The following LRRC9 variants were observed in gnomAD, a reference collection of about 807,000 sequenced individuals.
The protein encoded by LRRC9 is leucine rich repeat containing 9, also known as leucine-rich repeat-containing protein 9.
A neutral mutation model predicts 63.2 loss-of-function variants in LRRC9; 122 were observed. That is an observed-to-expected ratio of 1.93 (90% CI 1.67 to 2.24). LRRC9 has a LOEUF of 2.24. Among genes scored for constraint, LRRC9 ranks in the 30% most tolerant of loss-of-function variants. The probability of loss-of-function intolerance (pLI) is 0.00; values close to 1 mark genes in which losing one functional copy is unlikely to be tolerated. For missense variants in LRRC9, 1,071 were observed against 627.7 expected (o/e 1.71, Z -7.55); for synonymous variants, 366 against 213.1 (o/e 1.72, Z -6.25).
chr14:59,998,389 T>C (rs1314794765), intron 18 of LRRC9, among the ~76,000 whole-genome samples: 1 of 152,020 alleles, frequency 6.6e-6, no homozygotes, highest in African/African-American at 2.4e-5. Flanking sequence ...TGTTCTCTTA[T>C]AAAAAGGAAA....
At position 59,939,361 on chromosome 14, in the gene LRRC9, T is replaced by C. The variant is rs111717968; in HGVS notation, c.726+789T>C. ...CCAGATTATGTGAGACTGTAGACTG[T>C]TGTAAGGACTTTGGTCTTTACTTTG... On this transcript the variant is annotated intron_variant, in intron 7 of 31. Coordinates refer to ENST00000445360, the Ensembl canonical transcript of LRRC9. Among the ~76,000 whole-genome samples, 21 of 152,116 alleles carry C rather than the reference T, an allele frequency of 1.4e-4. 1 individual carries two copies. Among genetic ancestry groups the C allele is most frequent in the African/African-American group, 4.8e-4 (20 of 41,542 alleles).
chr14:60,023,846 TC>T (rs1244185872), intron 27 of LRRC9, among the ~76,000 whole-genome samples: 1 of 152,104 alleles, frequency 6.6e-6, no homozygotes, highest in East Asian at 1.9e-4. Flanking sequence ...CCTCCCTGTG[TC>T]CATGTGCTCT....
chr14:60,029,593 T>G (rs1006617871), intron 28 of LRRC9, among the ~76,000 whole-genome samples: 2 of 152,090 alleles, frequency 1.3e-5, no homozygotes, highest in African/African-American at 4.8e-5. Context: ...GATGTCCAGT[T>G]ACCAGATTAG....
At chr14:60,028,079 T>C in exon 28 of LRRC9, 1 of 697,638 alleles carries the variant, frequency 1.4e-6, no homozygotes, top group Non-Finnish European at 2.6e-6. Context: ...GAGAAACTCT[T>C]CCTAGGATAT....
At chr14:60,012,229 C>G (rs1890314403) in intron 23 of LRRC9, among the ~76,000 whole-genome samples, 1 of 152,132 alleles carries the variant, frequency 6.6e-6, no homozygotes, top group Non-Finnish European at 1.5e-5. Flanking sequence ...ACAAGGAACT[C>G]TAGAGAAGTT....
Position 59,966,407 on chromosome 14 carries a change from T to C in LRRC9, c.1212-182T>C, listed in dbSNP as rs1884861740. Reference sequence around the variant, plus strand: ...TGAAGATTGCTCAACCAACCTGTCTTCCAGGCAGAACAAATGTGCAATAAA... The same window carrying C: ...TGAAGATTGCTCAACCAACCTGTCTCCCAGGCAGAACAAATGTGCAATAAA... On this transcript the variant is annotated intron_variant, in intron 10 of 31. Transcript: ENST00000445360. This position sits in a 1 kb window ranked among gnomAD's most constrained non-coding sequence, Gnocchi z 4.0. Among the ~76,000 whole-genome samples the C allele has an allele frequency of 6.6e-6, 1 of 152,178 alleles. No individual in the cohort carries two copies. Among genetic ancestry groups the C allele is most frequent in the Admixed American group, 6.5e-5 (1 of 15,278 alleles).
At chr14:59,983,617 C>G (rs949258155) in intron 16 of LRRC9, among the ~76,000 whole-genome samples, 1 of 152,008 alleles carries the variant, frequency 6.6e-6, no homozygotes, top group African/African-American at 2.4e-5. Context: ...TTGAAAGATC[C>G]AGATGTCTTC....
rs1881892787 is a variant in LRRC9 at position 59,942,588 on chromosome 14, C to T, written c.727-2001C>T. On this transcript the variant is annotated intron_variant, in intron 7 of 31. Coordinates refer to ENST00000445360, the Ensembl canonical transcript of LRRC9. This position sits in a 1 kb window ranked among gnomAD's most constrained non-coding sequence, Gnocchi z 5.3. The stretch of plus-strand genomic sequence containing the variant: ...AAAAATACAATAAAAATTAGCCAGG[C>T]GTGGTGGCAGGTGCCTGTAATACCA... Among the ~76,000 whole-genome samples, 1 of 152,040 alleles carries T rather than the reference C, an allele frequency of 6.6e-6. No individual in the cohort carries two copies. Among genetic ancestry groups the T allele is most frequent in the Non-Finnish European group, 1.5e-5 (1 of 67,994 alleles).
intron 8 of LRRC9, among the ~76,000 whole-genome samples, chr14:59,957,222 T>G (rs1356554149): frequency 6.6e-6 from 1 of 152,170 alleles, no homozygotes; most frequent in Non-Finnish European, 1.5e-5. Flanking sequence ...GAAGTGTGTT[T>G]TCCAACTTGG....
chr14:60,011,870 A>G (rs907361950), intron 23 of LRRC9, among the ~76,000 whole-genome samples: 3 of 152,242 alleles, frequency 2.0e-5, no homozygotes, highest in Non-Finnish European at 2.9e-5. Context: ...TTAGTTTTAT[A>G]TGACAGAAGA....
chr14:60,066,096 G>C (rs1198771634), downstream of LRRC9, among the ~76,000 whole-genome samples: 6 of 151,910 alleles, frequency 3.9e-5, no homozygotes, highest in African/African-American at 1.5e-4. Flanking sequence ...TGGGATTATA[G>C]GCATGAGCCA....
chr14:59,962,974 T>G lies in LRRC9; in HGVS notation c.1211+1929T>G, dbSNP rs1202729222. On this transcript the variant is annotated intron_variant, in intron 10 of 31. Coordinates refer to ENST00000445360, the Ensembl canonical transcript of LRRC9. The surrounding 1 kb of genome is among the most constrained non-coding windows in gnomAD (Gnocchi z 5.1). ...TAGCAGAATTTAAAGTACTGTTTTT[T>G]AGTTTTAGCATACTGCAAGCTTGGC... Among the ~76,000 whole-genome samples the G allele has an allele frequency of 1.3e-5, 2 of 152,224 alleles. No individual in the cohort carries two copies. The highest frequency in any genetic ancestry group is 2.4e-5 in the African/African-American group (1 of 41,472).
At chr14:59,983,912 A>G (rs775106482) in intron 16 of LRRC9, among the ~76,000 whole-genome samples, 34 of 152,230 alleles carry the variant, frequency 2.2e-4, no homozygotes, top group Non-Finnish European at 3.5e-4. Context: ...GCACTATCCA[A>G]AGGAAAAATC....
At chr14:60,006,908 A>G (rs1889854373) in intron 22 of LRRC9, among the ~76,000 whole-genome samples, 1 of 152,092 alleles carries the variant, frequency 6.6e-6, no homozygotes, top group Non-Finnish European at 1.5e-5. Context: ...ACAATTCGTG[A>G]TGATCTTTCA....
rs924074279 is a variant in LRRC9, at chr14:60,051,903, C to T, written c.3991-1162C>T. ...TTCCTGGGCACGATAGCACACTCAC[C>T]GCTTCCCTTGGCTGGGGATGGGGGT... On this transcript the variant is annotated intron_variant, in intron 29 of 31. Coordinates refer to ENST00000445360, the Ensembl canonical transcript of LRRC9. The surrounding 1 kb of genome is among the most constrained non-coding windows in gnomAD (Gnocchi z 4.7). Among the ~76,000 whole-genome samples the T allele has an allele frequency of 6.6e-6, 1 of 152,160 alleles. No homozygotes were observed. Among genetic ancestry groups the T allele is most frequent in the Non-Finnish European group, 1.5e-5 (1 of 68,026 alleles).
At chr14:60,037,667 C>A (rs139606988) in intron 29 of LRRC9, among the ~76,000 whole-genome samples, 42 of 152,254 alleles carry the variant, frequency 2.8e-4, no homozygotes, top group African/African-American at 9.1e-4. Context: ...TGGATATTAG[C>A]CCTTTGTCCG....
At chr14:59,941,990 T>C (rs1043117864) in intron 7 of LRRC9, among the ~76,000 whole-genome samples, 7 of 152,192 alleles carry the variant, frequency 4.6e-5, no homozygotes, top group African/African-American at 1.7e-4. Context: ...CTCCAATAGC[T>C]ACAATTCTAC....
chr14:60,039,663 T>A (rs1892769767), intron 29 of LRRC9, among the ~76,000 whole-genome samples: 1 of 152,202 alleles, frequency 6.6e-6, no homozygotes, highest in Non-Finnish European at 1.5e-5. Flanking sequence ...TTTTCTTCTT[T>A]ATTAGTCTTG....
chr14:60,046,712 C>T (rs2140407940), intron 29 of LRRC9, among the ~76,000 whole-genome samples: 1 of 152,302 alleles, frequency 6.6e-6, no homozygotes, highest in Admixed American at 6.5e-5. Context: ...AGCATGATGC[C>T]TTCAGCTTTG....
Sources: allele counts gnomAD v4.1 joint callset (sites outside exome capture counted in the v4.1 genomes callset), GRCh38; gene constraint gnomAD v4.1.1; non-coding constraint Gnocchi (gnomAD v3.1); transcripts MANE v1.5; gene names NCBI Gene and HGNC (gene_info 2026-07-23, HGNC 2026-07-21).